Variants in RALYL observed in about 807,000 individuals in gnomAD.
The protein encoded by RALYL is RALY RNA binding protein like, also known as RNA-binding Raly-like protein.
A neutral mutation model predicts 35.1 loss-of-function variants in RALYL; 29 were observed. The ratio of observed to expected loss-of-function variants is 0.83; its 90% CI spans 0.61 to 1.13. The LOEUF is 1.13. RALYL is among the 50% of genes most tolerant of loss of function. RALYL has a pLI of 0.00. For synonymous variants in RALYL, 120 were observed against 127.6 expected (o/e 0.94, Z 0.40); for missense variants, 359 against 360.4 (o/e 1.00, Z 0.03).
chr8:84,538,071 C>G (rs927545519), intron 2 of RALYL, among the ~76,000 whole-genome samples: 2 of 152,156 alleles, frequency 1.3e-5, no homozygotes, highest in African/African-American at 4.8e-5. Context: ...ACTTAAAATG[C>G]TGTAAACAAA....
chr8:84,650,783 T>C (rs1828604028), intron 2 of RALYL, among the ~76,000 whole-genome samples: 2 of 151,898 alleles, frequency 1.3e-5, no homozygotes, highest in Admixed American at 1.3e-4. Flanking sequence ...GTATGTTTAT[T>C]GCAGCACTAT....
intron 2 of RALYL, among the ~76,000 whole-genome samples, chr8:84,721,327 C>T (rs1446223897): frequency 6.6e-6 from 1 of 152,124 alleles, no homozygotes; most frequent in African/African-American, 2.4e-5. Context: ...CCAGAGATAT[C>T]TGTATTCCTA....
chr8:84,431,421 C>T (rs1044136046), intron 1 of RALYL, among the ~76,000 whole-genome samples: 12 of 152,002 alleles, frequency 7.9e-5, no homozygotes, highest in African/African-American at 1.2e-4. Flanking sequence ...ATGAGGGAAA[C>T]GCAAATGAAA....
At chr8:84,849,892 C>A in intron 4 of RALYL, 88 bp from the exon 5 acceptor site, 2 of 696,380 alleles carry the variant, frequency 2.9e-6, no homozygotes, top group Non-Finnish European at 4.7e-6. Context: ...TTAAAAGTAA[C>A]AAATTTTATG....
At chr8:84,552,109 A>G (rs1321527794) in intron 2 of RALYL, among the ~76,000 whole-genome samples, 3 of 136,758 alleles carry the variant, frequency 2.2e-5, no homozygotes, top group African/African-American at 8.0e-5. Flanking sequence ...AGAAACTTTT[A>G]GGAGAGGAAG....
intron 1 of RALYL, among the ~76,000 whole-genome samples, chr8:84,378,559 CT>C (rs1857365478): frequency 6.6e-6 from 1 of 151,768 alleles, no homozygotes; most frequent in South Asian, 2.1e-4. Flanking sequence ...AAGAATTGTC[CT>C]TTGTAAAATT....
intron 2 of RALYL, among the ~76,000 whole-genome samples, chr8:84,555,288 TAC>T (rs111496991): frequency 2.6e-4 from 39 of 150,738 alleles, no homozygotes; most frequent in East Asian, 5.9e-4. Flanking sequence ...AATATATACA[TAC>T]ACACACACAC....
chr8:84,428,025 C>A (rs1216337765), intron 1 of RALYL, among the ~76,000 whole-genome samples: 1 of 151,226 alleles, frequency 6.6e-6, no homozygotes, highest in Non-Finnish European at 1.5e-5. Context: ...GCCAGAGAGA[C>A]TTTTTCACCA....
At chr8:84,869,624 G>A (rs1156523887) in intron 6 of RALYL, among the ~76,000 whole-genome samples, 1 of 152,080 alleles carries the variant, frequency 6.6e-6, no homozygotes, top group African/African-American at 2.4e-5. Context: ...ATCCTCACTA[G>A]AAGCCAGTAG....
intron 2 of RALYL, among the ~76,000 whole-genome samples, chr8:84,771,410 T>A (rs1254132436): frequency 1.3e-5 from 2 of 152,154 alleles, no homozygotes; most frequent in Non-Finnish European, 1.5e-5. Context: ...AAAGGTTTTT[T>A]AAGTGTGTAC....
rs956839209 is a variant in RALYL, at chr8:84,865,075, C to A, written c.571+2622C>A. The stretch of plus-strand genomic sequence containing the variant: ...ATAACTAGAATCATGATTTAATATT[C>A]TTTTTAGGAGCATATTGGCAGATTA... On this transcript the variant is annotated intron_variant, in intron 6 of 8. Transcript: ENST00000521268. Among the ~76,000 whole-genome samples the A allele has an allele frequency of 6.6e-5, 10 of 151,992 alleles. No homozygotes were observed. In the South Asian group the frequency reaches 1.2e-3, roughly 19 times the overall value.
At chr8:84,473,550 A>G (rs992150355) in intron 1 of RALYL, among the ~76,000 whole-genome samples, 1 of 151,790 alleles carries the variant, frequency 6.6e-6, no homozygotes, top group Non-Finnish European at 1.5e-5. Context: ...GTTATAAAGA[A>G]TAATATCTTT....
intron 2 of RALYL, among the ~76,000 whole-genome samples, chr8:84,664,992 T>C (rs1371496351): frequency 2.0e-5 from 3 of 152,116 alleles, no homozygotes; most frequent in Non-Finnish European, 4.4e-5. Context: ...TATTTTGAGG[T>C]ATGTTCCTTC....
chr8:84,383,560 C>T (rs1283644319), intron 1 of RALYL, among the ~76,000 whole-genome samples: 1 of 151,486 alleles, frequency 6.6e-6, no homozygotes, highest in Non-Finnish European at 1.5e-5. Context: ...AGTGAAAGTA[C>T]TTTTTACTCC....
intron 8 of RALYL, 132 bp from the exon 9 acceptor site, chr8:84,920,762 C>A: frequency 9.8e-6 from 4 of 409,794 alleles, no homozygotes; most frequent in Non-Finnish European, 1.3e-5. Flanking sequence ...AATTATTTGT[C>A]CTAAATATCT....
intron 1 of RALYL, among the ~76,000 whole-genome samples, chr8:84,416,511 G>A (rs995267831): frequency 1.3e-5 from 2 of 152,076 alleles, no homozygotes; most frequent in Non-Finnish European, 1.5e-5. Context: ...GCACTTTCAA[G>A]GAACTGAAAG....
chr8:84,627,269 A>G (rs1248299774), intron 2 of RALYL, among the ~76,000 whole-genome samples: 10 of 151,484 alleles, frequency 6.6e-5, no homozygotes, highest in Non-Finnish European at 1.3e-4. Flanking sequence ...TTTTGGAATG[A>G]TCTCTCTCTT....
chr8:84,314,508 G>T (rs750187595), intron 1 of RALYL, among the ~76,000 whole-genome samples: 2 of 151,884 alleles, frequency 1.3e-5, no homozygotes, highest in South Asian at 4.1e-4. Flanking sequence ...TACCAAAAAA[G>T]ATCTTCTCAA....
chr8:84,621,373 T>C (rs962411737), intron 2 of RALYL, among the ~76,000 whole-genome samples: 4 of 152,000 alleles, frequency 2.6e-5, no homozygotes, highest in Non-Finnish European at 4.4e-5. Context: ...GTGCCGGCTG[T>C]CCCCCCTTTC....
Sources: gnomAD v4.1 joint callset for allele counts (sites outside exome capture counted in the v4.1 genomes callset) on GRCh38, gnomAD v4.1.1 for gene constraint, MANE v1.5 for transcripts, NCBI Gene and HGNC (gene_info 2026-07-23, HGNC 2026-07-21) for gene names.